STRN3: variants seen among roughly 807,000 people sequenced by gnomAD.
STRN3 encodes the protein striatin-3.
STRN3 carries 29 observed loss-of-function variants against 95.6 expected under a neutral mutation model. The ratio of observed to expected loss-of-function variants is 0.30; its 90% CI spans 0.23 to 0.41. The LOEUF (loss-of-function observed/expected upper bound fraction) is 0.41, where lower values mean the gene tolerates loss of function less well. Ranked by LOEUF, STRN3 falls within the 10% of genes least tolerant of loss-of-function variation. The probability of loss-of-function intolerance (pLI) is 1.00; values close to 1 mark genes in which losing one functional copy is unlikely to be tolerated. For missense variants in STRN3, 890 were observed against 972.1 expected (o/e 0.92, Z 1.12); for synonymous variants, 331 against 357.6 (o/e 0.93, Z 0.84).
intron 1 of STRN3, among the ~76,000 whole-genome samples, chr14:30,981,841 T>G (rs1037706610): frequency 1.6e-4 from 25 of 152,082 alleles, no homozygotes; most frequent in African/African-American, 6.0e-4. Context: ...ACGCCTGAAA[T>G]CCTAGCACTT....
At chr14:30,989,464 T>G (rs1881847339) in intron 1 of STRN3, among the ~76,000 whole-genome samples, 1 of 151,988 alleles carries the variant, frequency 6.6e-6, no homozygotes, top group Non-Finnish European at 1.5e-5. Flanking sequence ...GGATTTTTAT[T>G]TATTTATTTA....
At chr14:30,903,925 C>G (rs1353733142) in intron 15 of STRN3, among the ~76,000 whole-genome samples, 4 of 152,120 alleles carry the variant, frequency 2.6e-5, no homozygotes, top group Admixed American at 6.6e-5. Flanking sequence ...TGAGACGATT[C>G]TGTGTACACT....
At chr14:30,936,959 T>C (rs1878852026) in intron 5 of STRN3, among the ~76,000 whole-genome samples, 2 of 152,206 alleles carry the variant, frequency 1.3e-5, no homozygotes, top group Non-Finnish European at 1.5e-5. Flanking sequence ...AAACTTGGCC[T>C]TTCTTATAAC....
At position 30,895,539 on chromosome 14, in the gene STRN3, T is replaced by A. The variant is rs1461871582; in HGVS notation, c.2266A>T (p.Thr756Ser). 1 of 1,614,130 alleles carries A rather than the reference T, an allele frequency of 6.2e-7. No individual in the cohort carries two copies. Among genetic ancestry groups the A allele is most frequent in the South Asian group, 1.1e-5 (1 of 91,072 alleles). The stretch of plus-strand genomic sequence containing the variant: ...TGAGCTGTTATTTCTTGCACACATG[T>A]CTTGCTGTCTAAATTCCATAATCTG... ...SIRLWNLDSK[T>S]CVQEITAHRK... Residue 756 changes from threonine (T) to serine (S), a missense_variant, in exon 18 of 18, where the codon ACA (threonine) becomes TCA (serine). Transcript: ENST00000357479.
chr14:30,918,334 C>CTG (rs1223880023), intron 9 of STRN3, among the ~76,000 whole-genome samples: 2 of 152,000 alleles, frequency 1.3e-5, no homozygotes, highest in African/African-American at 4.8e-5. Flanking sequence ...TGGTAATATT[C>CTG]TGTCTCTACT....
chr14:31,012,686 G>A (rs1406715201), intron 1 of STRN3, among the ~76,000 whole-genome samples: 1 of 152,154 alleles, frequency 6.6e-6, no homozygotes, highest in African/African-American at 2.4e-5. Flanking sequence ...GAGGTCAGCA[G>A]TTAGAGACCA....
chr14:30,897,201 T>C (rs1238475353), intron 16 of STRN3, among the ~76,000 whole-genome samples: 1 of 152,178 alleles, frequency 6.6e-6, no homozygotes, highest in African/African-American at 2.4e-5. Context: ...TCTAGTTTTG[T>C]TATTTGTGAT....
At chr14:30,957,812 A>C (rs1879995022) in intron 1 of STRN3, among the ~76,000 whole-genome samples, 1 of 152,206 alleles carries the variant, frequency 6.6e-6, no homozygotes, top group African/African-American at 2.4e-5. Flanking sequence ...ATTGACAATA[A>C]AACTAATTTT....
At chr14:30,937,841 C>T (rs925514848) in intron 5 of STRN3, among the ~76,000 whole-genome samples, 2 of 151,998 alleles carry the variant, frequency 1.3e-5, no homozygotes, top group African/African-American at 4.8e-5. Flanking sequence ...TTTTTGCCCC[C>T]CTCTCTGACT....
chr14:30,919,184 T>G (rs1449302621), intron 8 of STRN3, 78 bp from the exon 9 acceptor site: 1 of 1,368,418 alleles, frequency 7.3e-7, no homozygotes, highest in East Asian at 2.6e-5. Flanking sequence ...AACCAATTTA[T>G]TAACAAAACA....
At chr14:30,897,284 T>C (rs1373411275) in intron 16 of STRN3, among the ~76,000 whole-genome samples, 1 of 152,078 alleles carries the variant, frequency 6.6e-6, no homozygotes, top group Non-Finnish European at 1.5e-5. Context: ...CCAAAAAACC[T>C]ATAAAAAGTA....
At chr14:31,024,630 G>C (rs1481932109) in intron 1 of STRN3, among the ~76,000 whole-genome samples, 1 of 152,080 alleles carries the variant, frequency 6.6e-6, no homozygotes, top group Non-Finnish European at 1.5e-5. Flanking sequence ...TCATATAAAA[G>C]TTTACTAGTT....
At chr14:31,019,296 G>A (rs1416348569) in intron 1 of STRN3, among the ~76,000 whole-genome samples, 1 of 152,162 alleles carries the variant, frequency 6.6e-6, no homozygotes, top group Non-Finnish European at 1.5e-5. Context: ...GCAACATAGT[G>A]AGACCCTGTC....
chr14:30,975,810 G>A (rs1290891593), intron 1 of STRN3, among the ~76,000 whole-genome samples: 1 of 147,294 alleles, frequency 6.8e-6, no homozygotes, highest in African/African-American at 2.5e-5. Flanking sequence ...CTCCAGCCTG[G>A]GTGACAGAGA....
Position 30,893,856 on chromosome 14 carries a change from C to A in STRN3, c.*1555G>T, listed in dbSNP as rs1896058255. 6.6e-6 allele frequency: 1 copy of A among 152,516 alleles called. No homozygotes were observed. The highest frequency in any genetic ancestry group is 1.5e-5 in the Non-Finnish European group (1 of 68,000). 9.4% of individuals were successfully genotyped at this position (152,516 alleles called of 1,614,324 possible). ...TAAAGTATTGCACTTTATTATTCAACACAAAATGATGTAGCCAACAGTAAC... is the reference window on the plus strand; with the variant it reads ...TAAAGTATTGCACTTTATTATTCAAAACAAAATGATGTAGCCAACAGTAAC... On this transcript the variant is annotated 3_prime_UTR_variant, in exon 18 of 18. Coordinates refer to ENST00000357479, the MANE Select transcript of STRN3 (RefSeq NM_001083893.2).
At chr14:31,013,684 C>A (rs913505986) in intron 1 of STRN3, among the ~76,000 whole-genome samples, 1 of 151,544 alleles carries the variant, frequency 6.6e-6, no homozygotes, top group African/African-American at 2.4e-5. Context: ...ACTTCAAACT[C>A]CTGGGCTCAA....
At chr14:30,964,521 T>C in intron 1 of STRN3, 1 of 162,472 alleles carries the variant, frequency 6.2e-6, no homozygotes. Context: ...TCCCTTCACC[T>C]GATCCACATG....
At chr14:30,967,365 A>G (rs1880579985) in intron 1 of STRN3, among the ~76,000 whole-genome samples, 1 of 152,134 alleles carries the variant, frequency 6.6e-6, no homozygotes, top group Non-Finnish European at 1.5e-5. Flanking sequence ...AGTCAAACAG[A>G]GAAAGAGAAA....
intron 1 of STRN3, among the ~76,000 whole-genome samples, chr14:30,994,442 A>G (rs1369637172): frequency 6.6e-6 from 1 of 152,236 alleles, no homozygotes; most frequent in Non-Finnish European, 1.5e-5. Context: ...TATTACATAA[A>G]TTATTTCTCC....
Sources: allele counts gnomAD v4.1 joint callset (sites outside exome capture counted in the v4.1 genomes callset), GRCh38; gene constraint gnomAD v4.1.1; transcripts MANE v1.5; gene names NCBI Gene and HGNC (gene_info 2026-07-23, HGNC 2026-07-21).